MACF1: variants seen among roughly 807,000 people sequenced by gnomAD.
MACF1 encodes the protein microtubule-actin cross-linking factor 1.
MACF1 carries 193 observed loss-of-function variants against 854.8 expected under a neutral mutation model. The ratio of observed to expected loss-of-function variants is 0.23; its 90% CI spans 0.20 to 0.25. The LOEUF is 0.25. MACF1 is among the 10% of genes least tolerant of loss of function. The pLI is 1.00. For synonymous variants in MACF1, 3,185 were observed against 3,226.7 expected, an observed-to-expected ratio of 0.99 and a Z score of 0.44; for missense variants, 7,722 against 8,929.1, an observed-to-expected ratio of 0.86 and a Z score of 5.45.
intron 19 of MACF1, among the ~76,000 whole-genome samples, chr1:39,295,444 T>C (rs1645880070): frequency 1.3e-5 from 2 of 152,256 alleles, no homozygotes; most frequent in African/African-American, 4.8e-5. Flanking sequence ...AGACAGATCC[T>C]GACTTGACTC....
chr1:39,288,962 C>T (rs930644319), intron 15 of MACF1, among the ~76,000 whole-genome samples: 2 of 152,220 alleles, frequency 1.3e-5, no homozygotes, highest in Non-Finnish European at 2.9e-5. Context: ...TTGATTTATA[C>T]ATCCCACAGC....
intron 40 of MACF1, among the ~76,000 whole-genome samples, chr1:39,342,507 A>G (rs1312293425): frequency 6.9e-6 from 1 of 144,368 alleles, no homozygotes; most frequent in Non-Finnish European, 1.5e-5. Flanking sequence ...AGAGTTTTTG[A>G]TTGGTTATTT....
intron 36 of MACF1, among the ~76,000 whole-genome samples, chr1:39,329,894 G>A (rs190259218): frequency 3.2e-4 from 48 of 152,274 alleles, no homozygotes; most frequent in Non-Finnish European, 1.0e-4. Context: ...TGACTCTACT[G>A]TACTTGTCTT....
At chr1:39,376,597 T>G (rs1649742659) in intron 52 of MACF1, among the ~76,000 whole-genome samples, 1 of 152,212 alleles carries the variant, frequency 6.6e-6, no homozygotes. Context: ...TAGTCCAGTT[T>G]CTTTTTTTGC....
At chr1:39,286,392 A>G (rs1468186971) in intron 14 of MACF1, among the ~76,000 whole-genome samples, 1 of 152,112 alleles carries the variant, frequency 6.6e-6, no homozygotes, top group Non-Finnish European at 1.5e-5. Context: ...GTGATCCATC[A>G]CATTCTTTTT....
chr1:39,235,918 T>G (rs1227995885), intron 2 of MACF1, among the ~76,000 whole-genome samples: 1 of 152,146 alleles, frequency 6.6e-6, no homozygotes, highest in East Asian at 1.9e-4. Flanking sequence ...TGTGTGTGTT[T>G]GTAGAGATGG....
Position 39,439,420 on chromosome 1 carries a change from G to T in MACF1, c.18367G>T (p.Asp6123Tyr). The T allele has an allele frequency of 2.5e-6, 4 of 1,614,140 alleles. No individual in the cohort carries two copies. The highest frequency in any genetic ancestry group is 3.4e-6 in the Non-Finnish European group (4 of 1,180,014). ...DMAALLTTIK[D>Y]TQDIVHDLES... is the part of the protein sequence containing the mutation. ...GGCAGCTCTCCTGACCACCATCAAA[G>T]ACACCCAGGATATTGTCCATGACTT... Residue 6123 changes from aspartate to tyrosine, a missense_variant, in exon 72 of 101, where the codon GAC becomes TAC. This residue lies in a region of MACF1 where 2,807 missense variants were observed against 3,235.8 expected (regional missense o/e 0.87). Coordinates refer to ENST00000564288, the MANE Select transcript of MACF1 (RefSeq NM_001394062.1).
chr1:39,432,260 G>A (rs549283869), intron 66 of MACF1, among the ~76,000 whole-genome samples: 1 of 152,258 alleles, frequency 6.6e-6, no homozygotes, highest in South Asian at 2.1e-4. Flanking sequence ...ACACTGATTA[G>A]AGGCATCTTT....
intron 2 of MACF1, among the ~76,000 whole-genome samples, chr1:39,234,144 T>G (rs1644822371): frequency 6.6e-6 from 1 of 150,678 alleles, no homozygotes; most frequent in Non-Finnish European, 1.5e-5. Flanking sequence ...GGCAGAAGAA[T>G]TTTTCTTAGT....
intron 91 of MACF1, among the ~76,000 whole-genome samples, 190 bp downstream of exon 91, chr1:39,459,439 C>T (rs533193355): frequency 1.8e-4 from 27 of 152,232 alleles, no homozygotes; most frequent in Middle Eastern, 3.4e-3. Context: ...GTAAGAAAAC[C>T]GTTTGTGACA....
In MACF1 at chr1:39,372,489, A is replaced by C. The variant is rs142318271; in HGVS notation, c.13106A>C (p.Asp4369Ala). The C allele has an allele frequency of 1.2e-6, 2 of 1,609,050 alleles. No individual in the cohort carries two copies. Among genetic ancestry groups the C allele is most frequent in the Admixed American group, 3.3e-5 (2 of 59,984 alleles). Residue 4369 changes from aspartate (D) to alanine (A), a missense_variant, in exon 52 of 101, where the codon GAT becomes GCT. Asp to Ala is a moderately radical substitution (Grantham distance 126). Coordinates refer to ENST00000564288, the MANE Select transcript of MACF1 (RefSeq NM_001394062.1). ...TTCTTCTTTAAACAGAGTCTACTAGATGACTGGGCAAGTAAGGGAACTCTG... is the reference window on the plus strand; with the variant it reads ...TTCTTCTTTAAACAGAGTCTACTAGCTGACTGGGCAAGTAAGGGAACTCTG... Reference protein sequence around the residue: ...KQIEHLKSLLDDWASKGTLVE... With the variant: ...KQIEHLKSLLADWASKGTLVE...
At chr1:39,324,588 ATT>A in intron 34 of MACF1, 56 bp from the exon 35 acceptor site, 1 of 1,404,854 alleles carries the variant, frequency 7.1e-7, no homozygotes, top group Non-Finnish European at 9.8e-7. Flanking sequence ...ATTTTAAATA[ATT>A]TTTGACTCTT....
intron 49 of MACF1, among the ~76,000 whole-genome samples, chr1:39,367,024 T>C (rs1228170857): frequency 6.8e-6 from 1 of 146,780 alleles, no homozygotes; most frequent in Non-Finnish European, 1.5e-5. Context: ...CTTGGCTCAC[T>C]GCAACCTCCT....
chr1:39,106,282 C>A (rs371637142), intron 2 of MACF1, among the ~76,000 whole-genome samples: 15 of 152,226 alleles, frequency 9.9e-5, no homozygotes, highest in South Asian at 8.3e-4. Flanking sequence ...CCCTCCATCT[C>A]CCCGGGGGTC....
intron 6 of MACF1, among the ~76,000 whole-genome samples, chr1:39,260,927 A>AT (rs1216524164): frequency 6.6e-6 from 1 of 152,116 alleles, no homozygotes; most frequent in East Asian, 1.9e-4. Flanking sequence ...AATCATATAT[A>AT]TTATTTGTAA....
chr1:39,429,730 G>A (rs888168413), intron 64 of MACF1, 97 bp from the exon 65 acceptor site: 26 of 1,140,720 alleles, frequency 2.3e-5, no homozygotes, highest in Admixed American at 7.8e-5. Context: ...GAGAGAGAGC[G>A]TCTATGAAAT....
intron 52 of MACF1, among the ~76,000 whole-genome samples, chr1:39,376,033 A>C (rs1557617774): frequency 2.0e-5 from 3 of 152,224 alleles, no homozygotes; most frequent in South Asian, 4.1e-4. Flanking sequence ...GGACATGGAC[A>C]GGTTTGAATA....
intron 2 of MACF1, among the ~76,000 whole-genome samples, chr1:39,198,990 T>A (rs1045867919): frequency 2.6e-5 from 4 of 152,040 alleles, no homozygotes; most frequent in African/African-American, 9.7e-5. Flanking sequence ...TTTGACAGAA[T>A]TTTTTTCTTT....
upstream of MACF1, among the ~76,000 whole-genome samples, chr1:39,201,237 C>T (rs2148261661): frequency 6.6e-6 from 1 of 152,358 alleles, no homozygotes; most frequent in Non-Finnish European, 1.5e-5. Context: ...TGGCCACACT[C>T]TGGCTCTACC....
Sources: gnomAD v4.1 joint callset for allele counts (sites outside exome capture counted in the v4.1 genomes callset) on GRCh38, gnomAD v4.1.1 for gene constraint, gnomAD v4.1.1 regional missense constraint, MANE v1.5 for transcripts, NCBI Gene and HGNC (gene_info 2026-07-23, HGNC 2026-07-21) for gene names.